Variants in MTMR7 observed in about 807,000 individuals in gnomAD.
The protein encoded by MTMR7 is myotubularin related protein 7.
MTMR7 carries 76 observed loss-of-function variants against 81.2 expected under a neutral mutation model. The ratio of observed to expected loss-of-function variants is 0.94; its 90% CI spans 0.78 to 1.13. MTMR7 has a LOEUF of 1.13. Ranked by LOEUF, MTMR7 falls within the 50% of genes most tolerant of loss-of-function variation. The pLI, the probability that MTMR7 is intolerant of heterozygous loss-of-function variation, is 0.00. For synonymous variants in MTMR7, 372 were observed against 289.8 expected, an observed-to-expected ratio of 1.28 and a Z score of -2.88; for missense variants, 1,044 against 820.0, an observed-to-expected ratio of 1.27 and a Z score of -3.34.
chr8:17,313,986 G>A (rs1006288806), intron 7 of MTMR7, among the ~76,000 whole-genome samples: 1 of 152,168 alleles, frequency 6.6e-6, no homozygotes, highest in Non-Finnish European at 1.5e-5. Context: ...CAATTCTAGA[G>A]CATCAGGGTA....
intron 5 of MTMR7, 80 bp downstream of exon 5, chr8:17,348,873 G>A: frequency 6.5e-7 from 1 of 1,535,604 alleles, no homozygotes; most frequent in Non-Finnish European, 9.0e-7. Flanking sequence ...CACACGCACA[G>A]CAGAAGGCAG....
chr8:17,383,391 T>A (rs1367421427), intron 1 of MTMR7, among the ~76,000 whole-genome samples: 1 of 152,170 alleles, frequency 6.6e-6, no homozygotes, highest in African/African-American at 2.4e-5. Flanking sequence ...CATCAGATAC[T>A]GTGCTAGGTA....
chr8:17,374,503 C>G (rs1342232504), intron 1 of MTMR7, among the ~76,000 whole-genome samples: 11 of 152,020 alleles, frequency 7.2e-5, no homozygotes, highest in Admixed American at 7.2e-4. Context: ...TGCCTGTAGT[C>G]CCAGCTACTC....
At chr8:17,352,787 CATA>C (rs1380222351) in intron 4 of MTMR7, among the ~76,000 whole-genome samples, 26 of 152,032 alleles carry the variant, frequency 1.7e-4, no homozygotes, top group Admixed American at 1.7e-3. Context: ...AGAATGAAAA[CATA>C]ATAAAACTAG....
intron 7 of MTMR7, among the ~76,000 whole-genome samples, chr8:17,313,605 G>A (rs991505574): frequency 4.6e-5 from 7 of 152,110 alleles, no homozygotes; most frequent in Admixed American, 4.6e-4. Flanking sequence ...ACCTTCTCTG[G>A]TCACAGGGAA....
intron 1 of MTMR7, among the ~76,000 whole-genome samples, chr8:17,393,291 A>T (rs576862360): frequency 6.6e-6 from 1 of 152,286 alleles, no homozygotes; most frequent in African/African-American, 2.4e-5. Flanking sequence ...TAGATCAAAG[A>T]CCTAAACAGT....
intron 1 of MTMR7, among the ~76,000 whole-genome samples, chr8:17,373,960 G>C (rs1031198161): frequency 1.3e-5 from 2 of 152,282 alleles, no homozygotes; most frequent in South Asian, 4.1e-4. Context: ...GAAATGACAA[G>C]ACAATCTCTA....
chr8:17,310,276 C>T (rs1328341462), intron 9 of MTMR7, among the ~76,000 whole-genome samples: 1 of 152,114 alleles, frequency 6.6e-6, no homozygotes, highest in Admixed American at 6.5e-5. Context: ...GCTGGGATTA[C>T]AGGTGTGAGC....
At chr8:17,393,202 C>A (rs1375257837) in intron 1 of MTMR7, among the ~76,000 whole-genome samples, 3 of 152,126 alleles carry the variant, frequency 2.0e-5, no homozygotes, top group Admixed American at 6.5e-5. Flanking sequence ...ATAAATGCTG[C>A]TGCGACAACT....
At chr8:17,357,471 T>C (rs1015140975) in intron 4 of MTMR7, among the ~76,000 whole-genome samples, 3 of 152,158 alleles carry the variant, frequency 2.0e-5, no homozygotes, top group African/African-American at 7.2e-5. Flanking sequence ...CAATACCACA[T>C]ACTACTACAG....
chr8:17,398,078 G>A (rs570257542), intron 1 of MTMR7, among the ~76,000 whole-genome samples: 1 of 151,974 alleles, frequency 6.6e-6, no homozygotes, highest in South Asian at 2.1e-4. Context: ...CAATAAATAT[G>A]ACAACAAACA....
intron 7 of MTMR7, among the ~76,000 whole-genome samples, chr8:17,329,608 T>G (rs1177533221): frequency 1.3e-5 from 2 of 152,228 alleles, no homozygotes; most frequent in East Asian, 3.8e-4. Context: ...AATATTTATG[T>G]TCTCCAGGTC....
chr8:17,362,126 A>C (rs1279024966), intron 3 of MTMR7, among the ~76,000 whole-genome samples: 1 of 152,220 alleles, frequency 6.6e-6, no homozygotes, highest in Non-Finnish European at 1.5e-5. Context: ...ATGTCATTTT[A>C]AATGTCCTTG....
chr8:17,395,876 G>A (rs1821230650), intron 1 of MTMR7, among the ~76,000 whole-genome samples: 1 of 151,986 alleles, frequency 6.6e-6, no homozygotes. Context: ...AAGCAAAGCA[G>A]AATCTTTCAC....
chr8:17,412,952 A>G (rs1177839766), intron 1 of MTMR7, among the ~76,000 whole-genome samples: 1 of 147,774 alleles, frequency 6.8e-6, no homozygotes. Context: ...TCGTGCCAGG[A>G]GAAAGAAGGG....
intron 4 of MTMR7, among the ~76,000 whole-genome samples, chr8:17,352,266 T>C (rs561483261): frequency 5.3e-5 from 8 of 152,246 alleles, no homozygotes; most frequent in African/African-American, 9.6e-5. Flanking sequence ...GCCAATGGAA[T>C]AGAGAACCCA....
At chr8:17,408,993 A>G (rs1821670606) in intron 1 of MTMR7, among the ~76,000 whole-genome samples, 1 of 152,184 alleles carries the variant, frequency 6.6e-6, no homozygotes, top group South Asian at 2.1e-4. Context: ...ATCTCATTAA[A>G]TATATATAAT....
At chr8:17,402,203 G>A (rs1049330680) in intron 1 of MTMR7, among the ~76,000 whole-genome samples, 2 of 151,998 alleles carry the variant, frequency 1.3e-5, no homozygotes, top group Admixed American at 1.3e-4. Flanking sequence ...GGTAAATGGG[G>A]TATCTAGCTC....
chr8:17,357,009 G>T (rs1481223065), intron 4 of MTMR7, among the ~76,000 whole-genome samples: 2 of 151,770 alleles, frequency 1.3e-5, no homozygotes, highest in Non-Finnish European at 2.9e-5. Context: ...TATACTACAA[G>T]ACATATACAG....
Sources: gnomAD v4.1 joint callset for allele counts (sites outside exome capture counted in the v4.1 genomes callset) on GRCh38, gnomAD v4.1.1 for gene constraint, MANE v1.5 for transcripts, NCBI Gene and HGNC (gene_info 2026-07-23, HGNC 2026-07-21) for gene names.